The following FBXO4 variants were observed in gnomAD, a reference collection of about 807,000 sequenced individuals.
The protein encoded by FBXO4 is F-box only protein 4.
A neutral mutation model predicts 43.7 loss-of-function variants in FBXO4; 36 were observed. The observed-to-expected ratio is 0.82, with a 90% CI of 0.63 to 1.09. FBXO4 has a LOEUF of 1.09. Ranked by LOEUF, FBXO4 falls within the 50% of genes least tolerant of loss-of-function variation. The probability of loss-of-function intolerance (pLI) is 0.00; values close to 1 mark genes in which losing one functional copy is unlikely to be tolerated. For missense variants in FBXO4, 435 were observed against 474.1 expected (o/e 0.92, Z 0.77); for synonymous variants, 180 against 165.6 (o/e 1.09, Z -0.67).
At chr5:42,021,947 G>A in the FBXO4 span, among the ~76,000 whole-genome samples, 1 of 152,118 alleles carries the variant, frequency 6.6e-6, no homozygotes, top group Non-Finnish European at 1.5e-5. Context: ...TGTTGATGGT[G>A]AGAGCAAGGA....
chr5:41,956,697 T>TG, the FBXO4 span, among the ~76,000 whole-genome samples: 1 of 148,480 alleles, frequency 6.7e-6, no homozygotes, highest in African/African-American at 2.6e-5. Flanking sequence ...TTGTATGTAA[T>TG]TTTTTTTTCT....
the FBXO4 span, among the ~76,000 whole-genome samples, chr5:41,992,618 A>G: frequency 1.3e-5 from 2 of 152,240 alleles, no homozygotes; most frequent in Non-Finnish European, 2.9e-5. Flanking sequence ...TAAGACAGTC[A>G]ATCAAAAAGT....
chr5:42,025,919 T>C, the FBXO4 span, among the ~76,000 whole-genome samples: 1 of 152,010 alleles, frequency 6.6e-6, no homozygotes, highest in Admixed American at 6.6e-5. Flanking sequence ...TTTATGCCAG[T>C]ATCAAACTGT....
the FBXO4 span, among the ~76,000 whole-genome samples, chr5:42,030,895 A>T: frequency 3.3e-5 from 5 of 152,232 alleles, no homozygotes; most frequent in Non-Finnish European, 7.3e-5. Flanking sequence ...ATGCAAATCA[A>T]AACCACAATG....
At chr5:41,995,522 G>A in the FBXO4 span, among the ~76,000 whole-genome samples, 11 of 152,274 alleles carry the variant, frequency 7.2e-5, no homozygotes, top group African/African-American at 9.6e-5. Context: ...GAGCCCATGC[G>A]CAACCTCTAT....
the FBXO4 span, among the ~76,000 whole-genome samples, chr5:42,018,572 A>G: frequency 6.6e-6 from 1 of 152,298 alleles, no homozygotes; most frequent in South Asian, 2.1e-4. Flanking sequence ...TGTTTTTTAT[A>G]AAGTGTAGAA....
At chr5:41,948,643 G>C in the FBXO4 span, among the ~76,000 whole-genome samples, 1 of 151,808 alleles carries the variant, frequency 6.6e-6, no homozygotes, top group Non-Finnish European at 1.5e-5. Context: ...ATATTATTTT[G>C]CTTTTATCAG....
chr5:41,990,280 G>A, the FBXO4 span, among the ~76,000 whole-genome samples: 1 of 152,158 alleles, frequency 6.6e-6, no homozygotes, highest in South Asian at 2.1e-4. Flanking sequence ...TTAGACACAT[G>A]CAATTCATTA....
the FBXO4 span, among the ~76,000 whole-genome samples, chr5:41,985,925 G>T: frequency 6.6e-6 from 1 of 152,224 alleles, no homozygotes; most frequent in East Asian, 1.9e-4. Context: ...AAGTCGAACT[G>T]TTAAAATAAA....
At chr5:42,016,786 T>A in the FBXO4 span, among the ~76,000 whole-genome samples, 1 of 152,022 alleles carries the variant, frequency 6.6e-6, no homozygotes, top group African/African-American at 2.4e-5. Context: ...AAAAAGATAA[T>A]AAAAGAAAGA....
intron 2 of FBXO4, among the ~76,000 whole-genome samples, chr5:41,929,467 G>C (rs1751608729): frequency 6.6e-6 from 1 of 152,148 alleles, no homozygotes; most frequent in Non-Finnish European, 1.5e-5. Context: ...TGGGGGAAGA[G>C]TTCCTTAGCT....
At chr5:41,951,239 G>T in the FBXO4 span, 2 of 157,504 alleles carry the variant, frequency 1.3e-5, no homozygotes, top group Non-Finnish European at 2.8e-5. Context: ...TGTAAAAAAG[G>T]AGAAACTGAT....
chr5:42,016,100 TG>T, the FBXO4 span, among the ~76,000 whole-genome samples: 2 of 152,120 alleles, frequency 1.3e-5, no homozygotes, highest in Non-Finnish European at 1.5e-5. Context: ...ATATATTAAT[TG>T]ATTAAAAGAA....
At chr5:41,969,505 C>G in the FBXO4 span, among the ~76,000 whole-genome samples, 2 of 152,100 alleles carry the variant, frequency 1.3e-5, no homozygotes, top group Admixed American at 6.6e-5. Context: ...GTTCATGTTT[C>G]TGGAGGTAAT....
At chr5:42,006,914 A>ATATATATATATATATG in the FBXO4 span, among the ~76,000 whole-genome samples, 2 of 141,494 alleles carry the variant, frequency 1.4e-5, no homozygotes, top group African/African-American at 5.3e-5. Flanking sequence ...ATATATATAT[A>ATATATATATATATATG]TATGTATATA....
chr5:41,969,795 A>G, the FBXO4 span, among the ~76,000 whole-genome samples: 2 of 152,116 alleles, frequency 1.3e-5, no homozygotes, highest in Non-Finnish European at 2.9e-5. Flanking sequence ...CTGATGTCTT[A>G]CACACACACA....
chr5:42,028,531 C>G, the FBXO4 span, among the ~76,000 whole-genome samples: 1 of 151,588 alleles, frequency 6.6e-6, no homozygotes, highest in African/African-American at 2.4e-5. Context: ...TTCAATGTTA[C>G]TATTGAGAAG....
the FBXO4 span, among the ~76,000 whole-genome samples, chr5:41,953,431 A>G: frequency 6.6e-6 from 1 of 152,172 alleles, no homozygotes; most frequent in Non-Finnish European, 1.5e-5. Context: ...AGTCTTTGCT[A>G]TTGTGAATAG....
At chr5:41,957,822 A>G in the FBXO4 span, among the ~76,000 whole-genome samples, 6 of 152,110 alleles carry the variant, frequency 3.9e-5, no homozygotes, top group Non-Finnish European at 8.8e-5. Context: ...GATATTATAT[A>G]TAATAGAACA....
Sources: allele counts gnomAD v4.1 joint callset (sites outside exome capture counted in the v4.1 genomes callset), GRCh38; gene constraint gnomAD v4.1.1; transcripts MANE v1.5; gene names NCBI Gene and HGNC (gene_info 2026-07-23, HGNC 2026-07-21).